The following CCDC92 variants were observed in gnomAD, a reference collection of about 807,000 sequenced individuals.
The protein encoded by CCDC92 is coiled-coil domain containing 92, also known as coiled-coil domain-containing protein 92.
Under a neutral mutation model 24.9 loss-of-function variants are expected in CCDC92, and 12 were observed. The observed-to-expected ratio is 0.48, with a 90% CI of 0.31 to 0.78. The LOEUF is 0.78. Among genes scored for constraint, CCDC92 ranks in the 30% least tolerant of loss-of-function variants. CCDC92 has a pLI of 0.05. For missense variants in CCDC92, 399 were observed against 439.4 expected, an observed-to-expected ratio of 0.91 and a Z score of 0.82; for synonymous variants, 193 against 196.3, an observed-to-expected ratio of 0.98 and a Z score of 0.14.
chr12:123,967,068 A>G (rs968571671), intron 1 of CCDC92, among the ~76,000 whole-genome samples: 3 of 152,088 alleles, frequency 2.0e-5, no homozygotes, highest in African/African-American at 7.2e-5. Flanking sequence ...GTACTAATAA[A>G]CTTGTCAAAA....
rs77934407 is a variant in CCDC92 at position 123,936,857 on chromosome 12, A to G, written c.*201T>C. Reference sequence around the variant, plus strand: ...ATTCGGCACACAGGCGTTTGGCCACAGCAATTAGGAAATACATATTCTGCG... The same window carrying G: ...ATTCGGCACACAGGCGTTTGGCCACGGCAATTAGGAAATACATATTCTGCG... On this transcript the variant is annotated 3_prime_UTR_variant, in exon 5 of 5. Coordinates refer to ENST00000238156, the MANE Select transcript of CCDC92 (RefSeq NM_025140.3). 389 of 649,106 alleles carry G rather than the reference A, an allele frequency of 6.0e-4. No individual in the cohort carries two copies. Among genetic ancestry groups the G allele is most frequent in the Admixed American group, 1.5e-3 (50 of 33,590 alleles). 40.2% of individuals were successfully genotyped at this position (649,106 alleles called of 1,614,324 possible). A position where few individuals can be genotyped will look rare whatever the true frequency, so the allele number is the denominator to read the frequency against.
chr12:123,957,696 CTTCTTTT>C (rs1356759960), intron 1 of CCDC92, among the ~76,000 whole-genome samples: 5 of 115,124 alleles, frequency 4.3e-5, no homozygotes, highest in East Asian at 4.9e-4. Flanking sequence ...TTTTTTTTTC[CTTCTTTT>C]TTTTTTTTTT....
chr12:123,949,155 C>T (rs372114685), intron 1 of CCDC92, among the ~76,000 whole-genome samples: 16 of 152,206 alleles, frequency 1.1e-4, no homozygotes, highest in East Asian at 1.9e-4. Context: ...AGATGAATAA[C>T]GCCGCCTGCT....
At chr12:123,963,162 T>C (rs1956313822) in intron 1 of CCDC92, among the ~76,000 whole-genome samples, 2 of 152,180 alleles carry the variant, frequency 1.3e-5, no homozygotes, top group Admixed American at 1.3e-4. Flanking sequence ...ACAAGGGCAA[T>C]CTGGCCCCAA....
chr12:123,946,026 T>TCCATTTCCAGTCCATGATGA (rs150886168), intron 1 of CCDC92: 2 of 17,208 alleles, frequency 1.2e-4, no homozygotes, highest in Admixed American at 6.4e-4. Context: ...GCTGGCATCC[T>TCCATTTCCAGTCCATGATGA]GCTTTGAAAG....
intron 1 of CCDC92, chr12:123,972,105 G>A (rs1002727290): frequency 3.3e-5 from 5 of 152,158 alleles, no homozygotes; most frequent in African/African-American, 9.7e-5. Flanking sequence ...GGGCAGACAG[G>A]AGCGCCCCGG....
intron 1 of CCDC92, chr12:123,946,025 C>CCCCGCCCTCCATTTCCAGTCCATGA: frequency 6.5e-6 from 1 of 153,496 alleles, no homozygotes; most frequent in Non-Finnish European, 1.4e-5. Context: ...TGCTGGCATC[C>CCCCGCCCTCCATTTCCAGTCCATGA]TGCTTTGAAA....
chr12:123,958,994 A>G (rs1956213271), intron 1 of CCDC92, among the ~76,000 whole-genome samples: 1 of 152,166 alleles, frequency 6.6e-6, no homozygotes, highest in Non-Finnish European at 1.5e-5. Context: ...AAAGTGGATC[A>G]CACAGATGAG....
At chr12:123,965,155 T>C (rs936871509) in intron 1 of CCDC92, among the ~76,000 whole-genome samples, 8 of 152,354 alleles carry the variant, frequency 5.3e-5, no homozygotes, top group African/African-American at 1.9e-4. Context: ...TGATAACATT[T>C]GAAAACTACA....
At chr12:123,947,483 A>G (rs1209879247) in intron 1 of CCDC92, among the ~76,000 whole-genome samples, 1 of 152,168 alleles carries the variant, frequency 6.6e-6, no homozygotes, top group Non-Finnish European at 1.5e-5. Flanking sequence ...AAATACACCA[A>G]TTGGCACTCT....
At chr12:123,956,930 A>AT (rs1956162209) in intron 1 of CCDC92, among the ~76,000 whole-genome samples, 1 of 152,146 alleles carries the variant, frequency 6.6e-6, no homozygotes, top group Admixed American at 6.5e-5. Context: ...ATTCATTAGG[A>AT]TTTTTCAGAG....
At position 123,936,041 on chromosome 12, in the gene CCDC92, C is replaced by G. The variant is rs1449942449; in HGVS notation, c.*1017G>C. ...TTAGTTCCTGCATGAGCTTCTACCC[C>G]CAGCCTGCCTGGGTCTGTGTGGGGT... is the stretch of plus-strand genomic sequence containing the variant. On this transcript the variant is annotated 3_prime_UTR_variant, in exon 5 of 5. Coordinates refer to ENST00000238156, the MANE Select transcript of CCDC92 (RefSeq NM_025140.3). The G allele has an allele frequency of 6.5e-6, 1 of 152,884 alleles. No homozygotes were observed. The highest frequency in any genetic ancestry group is 1.5e-5 in the Non-Finnish European group (1 of 68,590). The allele number at this position is 152,884 out of a possible 1,614,324, so 9.5% of individuals were successfully genotyped here. A position where few individuals can be genotyped will look rare whatever the true frequency, so the allele number is the denominator to read the frequency against.
At chr12:123,955,383 G>A (rs901852246) in intron 1 of CCDC92, among the ~76,000 whole-genome samples, 1 of 152,162 alleles carries the variant, frequency 6.6e-6, no homozygotes, top group African/African-American at 2.4e-5. Context: ...AAGATACAGT[G>A]ATCCCAAATG....
At chr12:123,944,649 A>G (rs981519396) in intron 1 of CCDC92, 10 of 229,892 alleles carry the variant, frequency 4.3e-5, no homozygotes, top group South Asian at 3.3e-4. Context: ...GGACGAGTTC[A>G]TAACGAACTT....
intron 2 of CCDC92, 45 bp from the exon 3 acceptor site, chr12:123,943,538 C>T (rs747338104): frequency 1.2e-6 from 2 of 1,609,532 alleles, no homozygotes; most frequent in South Asian, 1.1e-5. Flanking sequence ...AAGAGGGTCC[C>T]AGGGCTGCCT....
intron 4 of CCDC92, among the ~76,000 whole-genome samples, chr12:123,938,069 C>G (rs779007946): frequency 2.0e-5 from 3 of 152,212 alleles, no homozygotes; most frequent in Non-Finnish European, 4.4e-5. Context: ...AAAAGAATGT[C>G]TCTGAACCTT....
chr12:123,953,871 G>T (rs746534368), intron 1 of CCDC92, among the ~76,000 whole-genome samples: 1 of 152,256 alleles, frequency 6.6e-6, no homozygotes, highest in South Asian at 2.1e-4. Flanking sequence ...CAAGAGAATC[G>T]CTTGAACCCA....
Position 123,937,197 on chromosome 12 carries a change from TTGTGCGGCTTTTCGCGGGCCGGGC to T in CCDC92, c.833_856del (p.Ser278_His285del), listed in dbSNP as rs1955530425. On this transcript the variant is annotated inframe_deletion, in exon 5 of 5. Coordinates refer to ENST00000238156, the MANE Select transcript of CCDC92 (RefSeq NM_025140.3). The surrounding 1 kb of genome is among the most constrained non-coding windows in gnomAD (Gnocchi z 8.4). ...CCGATGTGCCACCCCGACGTGGGCC[TTGTGCGGCTTTTCGCGGGCCGGGC>T]TGTGCTGCTCGCCGCTTCGGTCGGA... The T allele has an allele frequency of 4.3e-6, 7 of 1,609,816 alleles. No individual in the cohort carries two copies. Among genetic ancestry groups the T allele is most frequent in the African/African-American group, 4.0e-5 (3 of 75,018 alleles).
chr12:123,959,351 G>C (rs1477127924), intron 1 of CCDC92, among the ~76,000 whole-genome samples: 1 of 151,740 alleles, frequency 6.6e-6, no homozygotes, highest in Admixed American at 6.6e-5. Flanking sequence ...GTCTCACTTT[G>C]TTGACCAGGC....
Sources: allele counts gnomAD v4.1 joint callset (sites outside exome capture counted in the v4.1 genomes callset), GRCh38; gene constraint gnomAD v4.1.1; non-coding constraint Gnocchi (gnomAD v3.1); transcripts MANE v1.5; gene names NCBI Gene and HGNC (gene_info 2026-07-23, HGNC 2026-07-21).